TNIK: variants seen among roughly 807,000 people sequenced by gnomAD.
TNIK encodes the protein TRAF2 and NCK-interacting protein kinase.
Under a neutral mutation model 191.3 loss-of-function variants are expected in TNIK, and 49 were observed. The observed-to-expected ratio is 0.26, with a 90% CI of 0.20 to 0.32. The LOEUF (loss-of-function observed/expected upper bound fraction) is 0.32, where lower values mean the gene tolerates loss of function less well. Among genes scored for constraint, TNIK ranks in the 10% least tolerant of loss-of-function variants. The pLI, the probability that TNIK is intolerant of heterozygous loss-of-function variation, is 1.00. For synonymous variants in TNIK, 594 were observed against 600.9 expected (o/e 0.99, Z 0.17); for missense variants, 1,155 against 1,702.3 (o/e 0.68, Z 5.66).
intron 2 of TNIK, among the ~76,000 whole-genome samples, chr3:171,332,818 T>C (rs1415236144): frequency 6.6e-6 from 1 of 152,196 alleles, no homozygotes; most frequent in Non-Finnish European, 1.5e-5. Flanking sequence ...TGGCCGGAGA[T>C]TATTCCCAGC....
At chr3:171,113,795 G>A (rs751648538) in intron 18 of TNIK, among the ~76,000 whole-genome samples, 22 of 151,922 alleles carry the variant, frequency 1.4e-4, no homozygotes, top group Non-Finnish European at 2.5e-4. Flanking sequence ...TAATGAACGG[G>A]ACACAGCCTG....
chr3:171,141,349 T>C (rs963679940), intron 12 of TNIK, among the ~76,000 whole-genome samples: 9 of 152,212 alleles, frequency 5.9e-5, no homozygotes, highest in African/African-American at 2.2e-4. Flanking sequence ...CAGAGCTTGA[T>C]TTCATAGCCA....
intron 2 of TNIK, among the ~76,000 whole-genome samples, chr3:171,265,615 C>T (rs569102868): frequency 6.6e-6 from 1 of 152,162 alleles, no homozygotes; most frequent in Non-Finnish European, 1.5e-5. Context: ...ATGCTACCAA[C>T]AAAATACATA....
At chr3:171,072,511 T>A (rs757234697) in intron 28 of TNIK, among the ~76,000 whole-genome samples, 14 of 152,064 alleles carry the variant, frequency 9.2e-5, no homozygotes, top group Non-Finnish European at 1.8e-4. Context: ...GCATTCCCCC[T>A]AAGAACTGGA....
chr3:171,333,149 G>A (rs981151246), intron 2 of TNIK, among the ~76,000 whole-genome samples: 1 of 152,048 alleles, frequency 6.6e-6, no homozygotes, highest in African/African-American at 2.4e-5. Context: ...CTAATAGTTG[G>A]TGTTGGGGGT....
Position 171,101,499 on chromosome 3 carries a change from C to T in TNIK, c.2541G>A (p.Glu847=). 6.2e-7 allele frequency: 1 copy of T among 1,613,512 alleles called. No individual in the cohort carries two copies. The highest frequency in any genetic ancestry group is 8.5e-7 in the Non-Finnish European group (1 of 1,179,548). The change falls in exon 22 of 33, where the codon GAG becomes GAA. Residue 847 remains glutamate, a synonymous_variant. Transcript: ENST00000436636. Reference sequence around the variant, plus strand: ...CCACTGTCCCATCATGGGTCTCGCTCTCTCCATCTTCCTCCTCTTCCTCGC... The same window carrying T: ...CCACTGTCCCATCATGGGTCTCGCTTTCTCCATCTTCCTCCTCTTCCTCGC... ...ESSEEEEEDG[E]SETHDGTVAV...
chr3:171,293,614 C>A (rs570010850), intron 2 of TNIK, among the ~76,000 whole-genome samples: 1 of 152,160 alleles, frequency 6.6e-6, no homozygotes, highest in African/African-American at 2.4e-5. Flanking sequence ...AGGTCTCATG[C>A]AAAGAACTTT....
rs1228367218 is a variant in TNIK, at chr3:171,366,362, A to C, written c.123+3258T>G. On this transcript the variant is annotated intron_variant, in intron 2 of 32. Transcript: ENST00000436636. The surrounding 1 kb of genome is among the most constrained non-coding windows in gnomAD (Gnocchi z 4.1). ...TTGCCCAAAACAGGAATAAGCTAAA[A>C]TTGGGAGTAAGACTAGAAGCAACTT... Among the ~76,000 whole-genome samples the C allele has an allele frequency of 6.6e-6, 1 of 152,232 alleles. No homozygotes were observed. Among genetic ancestry groups the C allele is most frequent in the African/African-American group, 2.4e-5 (1 of 41,468 alleles).
chr3:171,433,372 AC>A (rs1435148888), intron 1 of TNIK, among the ~76,000 whole-genome samples: 2 of 152,220 alleles, frequency 1.3e-5, no homozygotes, highest in Admixed American at 6.5e-5. Context: ...ACAAATCAAG[AC>A]AAATTATAGA....
chr3:171,204,013 T>G lies in TNIK; in HGVS notation c.306+7103A>C, dbSNP rs575178657. Among the ~76,000 whole-genome samples, 3 of 152,326 alleles carry G rather than the reference T, an allele frequency of 2.0e-5. No individual in the cohort carries two copies. In the South Asian group the frequency reaches 6.2e-4, roughly 32 times the overall value. On this transcript the variant is annotated intron_variant, in intron 4 of 32. Coordinates refer to ENST00000436636, the MANE Select transcript of TNIK (RefSeq NM_015028.4). ...GTATCAAAAAAGACAGCAAAATATG[T>G]GTGAGTTCACATTGTAATTTTTGAG...
intron 21 of TNIK, among the ~76,000 whole-genome samples, chr3:171,105,654 A>T (rs1030898234): frequency 4.6e-5 from 7 of 152,160 alleles, no homozygotes; most frequent in African/African-American, 1.7e-4. Flanking sequence ...ATCTCTGTCC[A>T]GTGTGGTGCA....
chr3:171,087,318 T>C (rs115680195), intron 24 of TNIK, 24 bp downstream of exon 24: 6 of 1,613,238 alleles, frequency 3.7e-6, no homozygotes, highest in Non-Finnish European at 5.1e-6. Flanking sequence ...AGAACTGTCA[T>C]GTCAGCTGTT....
At chr3:171,371,949 C>A (rs1716545808) in intron 1 of TNIK, among the ~76,000 whole-genome samples, 1 of 88,824 alleles carries the variant, frequency 1.1e-5, no homozygotes, top group Admixed American at 1.1e-4. Context: ...AAAAAAATAA[C>A]AGAAAGAGAA....
At chr3:171,156,133 G>C (rs189444547) in intron 12 of TNIK, among the ~76,000 whole-genome samples, 1 of 152,324 alleles carries the variant, frequency 6.6e-6, no homozygotes, top group African/African-American at 2.4e-5. Context: ...CAGGAAAAGA[G>C]ATAATGATAG....
intron 7 of TNIK, among the ~76,000 whole-genome samples, chr3:171,183,869 C>T (rs1264724934): frequency 4.9e-5 from 7 of 143,028 alleles, no homozygotes; most frequent in South Asian, 2.3e-4. Context: ...TGCAGTGAGC[C>T]GAGATCGTGC....
At chr3:171,113,032 C>G (rs1726089326) in intron 18 of TNIK, among the ~76,000 whole-genome samples, 1 of 152,134 alleles carries the variant, frequency 6.6e-6, no homozygotes, top group Admixed American at 6.5e-5. Flanking sequence ...CAGATTTTCA[C>G]TGAAGTAAAT....
intron 2 of TNIK, among the ~76,000 whole-genome samples, chr3:171,274,825 G>A (rs1267634755): frequency 2.0e-5 from 3 of 152,130 alleles, no homozygotes; most frequent in Non-Finnish European, 4.4e-5. Flanking sequence ...CTTTCTAAAA[G>A]AGACAAAATG....
chr3:171,330,684 C>T (rs1408193893), intron 2 of TNIK, among the ~76,000 whole-genome samples: 4 of 152,134 alleles, frequency 2.6e-5, no homozygotes, highest in Non-Finnish European at 5.9e-5. Context: ...CAAAAACCTT[C>T]TTGGGTGAAT....
chr3:171,094,288 C>G (rs990941831), intron 22 of TNIK, among the ~76,000 whole-genome samples: 16 of 152,056 alleles, frequency 1.1e-4, no homozygotes, highest in African/African-American at 3.9e-4. Context: ...GCGCCCACCA[C>G]CACGCCCAGC....
Sources: gnomAD v4.1 joint callset for allele counts (sites outside exome capture counted in the v4.1 genomes callset) on GRCh38, gnomAD v4.1.1 for gene constraint, Gnocchi (gnomAD v3.1) non-coding constraint, MANE v1.5 for transcripts, NCBI Gene and HGNC (gene_info 2026-07-23, HGNC 2026-07-21) for gene names.